Variants in MAMDC2 observed in about 807,000 individuals in gnomAD.
MAMDC2 encodes MAM domain-containing protein 2.
Under a neutral mutation model 89.8 loss-of-function variants are expected in MAMDC2, and 57 were observed. The observed-to-expected ratio is 0.63, with a 90% confidence interval of 0.51 to 0.79. The LOEUF (loss-of-function observed/expected upper bound fraction) is 0.79. Among genes scored for constraint, MAMDC2 ranks in the 30% least tolerant of loss-of-function variants. The pLI is 0.00. For missense variants in MAMDC2, 800 were observed against 820.6 expected, an observed-to-expected ratio of 0.97 and a Z score of 0.31; for synonymous variants, 313 against 293.4, an observed-to-expected ratio of 1.07 and a Z score of -0.68.
chr9:70,056,239 T>C (rs1296407730), intron 2 of MAMDC2, among the ~76,000 whole-genome samples: 1 of 152,248 alleles, frequency 6.6e-6, no homozygotes, highest in Non-Finnish European at 1.5e-5. Flanking sequence ...TTTCTTCTAT[T>C]TCTTTGACTT....
intron 2 of MAMDC2, among the ~76,000 whole-genome samples, chr9:70,052,453 T>C (rs1826930856): frequency 6.6e-6 from 1 of 152,248 alleles, no homozygotes; most frequent in Non-Finnish European, 1.5e-5. Flanking sequence ...CTCATCTATT[T>C]AGGTTCCACC....
chr9:70,130,024 GTGTGTGT>G (rs1471132261), intron 6 of MAMDC2, among the ~76,000 whole-genome samples: 1 of 151,642 alleles, frequency 6.6e-6, no homozygotes, highest in Admixed American at 6.6e-5. Flanking sequence ...GTGTGTGTGT[GTGTGTGT>G]GTGTGTGTGT....
chr9:70,111,127 A>C (rs1346655365), intron 4 of MAMDC2, among the ~76,000 whole-genome samples: 1 of 152,212 alleles, frequency 6.6e-6, no homozygotes, highest in Non-Finnish European at 1.5e-5. Context: ...GCATCTGCAC[A>C]GCTTGTGAAC....
chr9:70,116,697 G>T, intron 5 of MAMDC2, among the ~76,000 whole-genome samples: 1 of 112,864 alleles, frequency 8.9e-6, no homozygotes, highest in African/African-American at 3.6e-5. Flanking sequence ...TTTGGCATTA[G>T]AAAAAAAAAA....
At chr9:70,137,126 T>G (rs1429318014) in intron 7 of MAMDC2, among the ~76,000 whole-genome samples, 4 of 152,208 alleles carry the variant, frequency 2.6e-5, no homozygotes, top group Non-Finnish European at 5.9e-5. Context: ...TCTTTTTTTT[T>G]GTAATGTGTT....
intron 11 of MAMDC2, among the ~76,000 whole-genome samples, chr9:70,191,892 C>A (rs1404808725): frequency 6.6e-6 from 1 of 152,130 alleles, no homozygotes; most frequent in Non-Finnish European, 1.5e-5. Context: ...AAGAATTTCA[C>A]AAATGCCTTA....
intron 2 of MAMDC2, among the ~76,000 whole-genome samples, chr9:70,075,570 G>A (rs1484367430): frequency 2.0e-5 from 3 of 152,172 alleles, no homozygotes; most frequent in East Asian, 1.9e-4. Flanking sequence ...GTGGGAAGCC[G>A]TGAGGAAACA....
intron 7 of MAMDC2, among the ~76,000 whole-genome samples, chr9:70,135,976 C>A (rs770448206): frequency 3.9e-5 from 6 of 152,082 alleles, no homozygotes; most frequent in Admixed American, 6.6e-5. Flanking sequence ...CATGGTGAAA[C>A]CCTGTCTCTA....
At chr9:70,117,636 A>C (rs759001826) in intron 5 of MAMDC2, among the ~76,000 whole-genome samples, 5 of 152,158 alleles carry the variant, frequency 3.3e-5, no homozygotes, top group Non-Finnish European at 7.3e-5. Context: ...AAAAAAAAAA[A>C]CAGTCATTAA....
chr9:70,185,266 A>G (rs1446488792), intron 11 of MAMDC2, among the ~76,000 whole-genome samples: 1 of 152,194 alleles, frequency 6.6e-6, no homozygotes, highest in Non-Finnish European at 1.5e-5. Flanking sequence ...TTTGTCCCAG[A>G]GGGCCACCTG....
At chr9:70,048,122 C>T (rs1164005341) in intron 2 of MAMDC2, among the ~76,000 whole-genome samples, 1 of 152,154 alleles carries the variant, frequency 6.6e-6, no homozygotes, top group Non-Finnish European at 1.5e-5. Context: ...CCATGGTTGT[C>T]CTGCTTTCTT....
chr9:70,168,648 G>A, intron 9 of MAMDC2, 54 bp from the exon 10 acceptor site: 1 of 1,445,242 alleles, frequency 6.9e-7, no homozygotes, highest in Non-Finnish European at 9.7e-7. Flanking sequence ...AGGTTGTTAG[G>A]AGTTTCCAGT....
At chr9:70,149,045 A>AAAT (rs1554675839) in intron 9 of MAMDC2, among the ~76,000 whole-genome samples, 3 of 95,834 alleles carry the variant, frequency 3.1e-5, no homozygotes, top group Non-Finnish European at 5.9e-5. Context: ...AAAAAAAAAA[A>AAAT]TTTTTTTTTT....
At chr9:70,185,458 G>C (rs189087256) in intron 11 of MAMDC2, among the ~76,000 whole-genome samples, 2 of 152,166 alleles carry the variant, frequency 1.3e-5, no homozygotes, top group African/African-American at 2.4e-5. Context: ...CTTCAGAGCC[G>C]GCAGGGAGGG....
intron 2 of MAMDC2, among the ~76,000 whole-genome samples, chr9:70,081,075 T>C (rs1163086396): frequency 6.6e-6 from 1 of 152,150 alleles, no homozygotes; most frequent in Non-Finnish European, 1.5e-5. Context: ...GAAAATTACC[T>C]TTTTTTGTTT....
intron 2 of MAMDC2, among the ~76,000 whole-genome samples, chr9:70,056,670 G>A (rs1210796697): frequency 2.6e-5 from 4 of 152,106 alleles, no homozygotes; most frequent in African/African-American, 9.7e-5. Flanking sequence ...CTTTAAAGCA[G>A]GGGTCCCAAC....
At chr9:70,130,008 C>CTGTG (rs71364580) in intron 6 of MAMDC2, among the ~76,000 whole-genome samples, 14,608 of 147,030 alleles carry the variant, frequency 0.099, 734 homozygotes, top group Middle Eastern at 0.15. Flanking sequence ...ACATGGCATT[C>CTGTG]TGTGTGTGTG....
At chr9:70,197,069 G>T (rs200887583) in intron 11 of MAMDC2, among the ~76,000 whole-genome samples, 1 of 24,948 alleles carries the variant, frequency 4.0e-5, no homozygotes, top group Non-Finnish European at 1.2e-4. Context: ...AAATGTTCAG[G>T]TTGTTATTGC....
chr9:70,185,353 C>T (rs7042675), intron 11 of MAMDC2, among the ~76,000 whole-genome samples: 140,482 of 152,258 alleles, frequency 0.92, 64,883 homozygotes, highest in East Asian at 0.98. Flanking sequence ...TCAGGAGGCA[C>T]GGGAGTCAGG....
Sources: gnomAD v4.1 joint callset for allele counts (sites outside exome capture counted in the v4.1 genomes callset) on GRCh38, gnomAD v4.1.1 for gene constraint, MANE v1.5 for transcripts, NCBI Gene and HGNC (gene_info 2026-07-23, HGNC 2026-07-21) for gene names.